Variants in DISC1 observed in about 807,000 individuals in gnomAD.
DISC1 encodes the protein disrupted in schizophrenia 1 protein.
DISC1 carries 57 observed loss-of-function variants against 84.5 expected under a neutral mutation model. The observed-to-expected ratio is 0.67, with a 90% CI of 0.55 to 0.84. The LOEUF (loss-of-function observed/expected upper bound fraction) is 0.84. Among genes scored for constraint, DISC1 ranks in the 40% least tolerant of loss-of-function variants. DISC1 has a pLI of 0.00. For synonymous variants in DISC1, 411 were observed against 415.2 expected (o/e 0.99, Z 0.12); for missense variants, 1,000 against 1,057.8 (o/e 0.95, Z 0.76).
At chr1:231,718,222 A>G (rs1447170451) in intron 3 of DISC1, among the ~76,000 whole-genome samples, 1 of 151,976 alleles carries the variant, frequency 6.6e-6, no homozygotes, top group Non-Finnish European at 1.5e-5. Flanking sequence ...TCATCCTTCA[A>G]TCCCTTTCCA....
At chr1:231,987,024 T>C (rs1475990800) in intron 10 of DISC1, among the ~76,000 whole-genome samples, 3 of 152,202 alleles carry the variant, frequency 2.0e-5, no homozygotes, top group Admixed American at 2.0e-4. Context: ...CGTCCTTATT[T>C]TCTGGGACAG....
chr1:231,645,258 A>G (rs2060027413), intron 1 of DISC1, among the ~76,000 whole-genome samples: 1 of 152,144 alleles, frequency 6.6e-6, no homozygotes, highest in Non-Finnish European at 1.5e-5. Flanking sequence ...CAGGGAGCTC[A>G]GTGGTAGACA....
chr1:231,915,550 G>A (rs955612978), intron 9 of DISC1, among the ~76,000 whole-genome samples: 1 of 152,202 alleles, frequency 6.6e-6, no homozygotes, highest in African/African-American at 2.4e-5. Context: ...TTGGGAGGCT[G>A]AGGTGGGCGG....
chr1:231,871,569 T>TA (rs1658068937), intron 9 of DISC1, among the ~76,000 whole-genome samples: 2 of 152,300 alleles, frequency 1.3e-5, no homozygotes, highest in South Asian at 4.1e-4. Context: ...GAAGTTCAAA[T>TA]ATAGACAACC....
At chr1:231,707,599 C>A (rs981762538) in intron 3 of DISC1, among the ~76,000 whole-genome samples, 17 of 152,182 alleles carry the variant, frequency 1.1e-4, no homozygotes, top group African/African-American at 4.1e-4. Context: ...TCAAAGTCAC[C>A]ATTGGCTATG....
intron 9 of DISC1, among the ~76,000 whole-genome samples, chr1:231,851,545 C>T (rs899729940): frequency 6.6e-6 from 1 of 152,194 alleles, no homozygotes; most frequent in Non-Finnish European, 1.5e-5. Context: ...TCATTTCACA[C>T]CTCACGTGGA....
intron 3 of DISC1, among the ~76,000 whole-genome samples, chr1:231,711,023 CTT>C: frequency 6.8e-6 from 1 of 146,968 alleles, no homozygotes; most frequent in African/African-American, 2.5e-5. Flanking sequence ...TTGATTGAAA[CTT>C]TTTTTTTTTT....
chr1:231,850,844 C>G (rs570440508), intron 9 of DISC1, among the ~76,000 whole-genome samples: 8 of 152,304 alleles, frequency 5.3e-5, no homozygotes, highest in Non-Finnish European at 7.3e-5. Context: ...GTCCGACGCT[C>G]TGGCTCTCTG....
At chr1:232,005,304 T>G (rs1378551571) in intron 10 of DISC1, among the ~76,000 whole-genome samples, 1 of 152,102 alleles carries the variant, frequency 6.6e-6, no homozygotes, top group Non-Finnish European at 1.5e-5. Flanking sequence ...TTTACTTTTA[T>G]TTTTGAAGAA....
intron 1 of DISC1, among the ~76,000 whole-genome samples, chr1:231,693,463 C>A (rs186474231): frequency 6.6e-6 from 1 of 152,282 alleles, no homozygotes; most frequent in East Asian, 1.9e-4. Flanking sequence ...GCTTTCCAGG[C>A]CCACTCCAGG....
intron 9 of DISC1, among the ~76,000 whole-genome samples, chr1:231,924,294 C>A (rs568765329): frequency 1.3e-5 from 2 of 152,130 alleles, no homozygotes; most frequent in Non-Finnish European, 2.9e-5. Flanking sequence ...CCTTTGTGGC[C>A]GAGCACGAAC....
intron 10 of DISC1, among the ~76,000 whole-genome samples, chr1:231,995,376 C>T (rs1018938715): frequency 3.3e-5 from 5 of 151,580 alleles, no homozygotes; most frequent in African/African-American, 1.2e-4. Flanking sequence ...TTTTAGGATA[C>T]ATGTGCACAA....
intron 10 of DISC1, among the ~76,000 whole-genome samples, chr1:231,994,954 G>A (rs191202740): frequency 6.6e-6 from 1 of 152,224 alleles, no homozygotes; most frequent in Admixed American, 6.5e-5. Flanking sequence ...GAAAGAGAGG[G>A]TAGTTTCAAC....
At chr1:231,689,809 T>A (rs200460750) in intron 1 of DISC1, among the ~76,000 whole-genome samples, 15 of 152,226 alleles carry the variant, frequency 9.9e-5, no homozygotes, top group Non-Finnish European at 1.6e-4. Flanking sequence ...AAACAATTCA[T>A]ATCCACCACA....
intron 1 of DISC1, among the ~76,000 whole-genome samples, chr1:231,655,567 A>G (rs1455995252): frequency 6.6e-6 from 1 of 152,182 alleles, no homozygotes; most frequent in Non-Finnish European, 1.5e-5. Context: ...ATATGCATGC[A>G]GGTGTCTTTT....
At chr1:231,886,694 G>A (rs1393323024) in intron 9 of DISC1, among the ~76,000 whole-genome samples, 1 of 152,074 alleles carries the variant, frequency 6.6e-6, no homozygotes, top group African/African-American at 2.4e-5. Flanking sequence ...GGAAGACATT[G>A]GGTATGATTT....
chr1:231,958,677 C>G (rs1659947863), intron 9 of DISC1, 151 bp from the exon 10 acceptor site: 1 of 809,214 alleles, frequency 1.2e-6, no homozygotes, highest in Admixed American at 2.5e-5. Context: ...CAGGCAGCCA[C>G]TCCAGTGGAT....
rs754872907 is a variant in DISC1 at position 231,693,966 on chromosome 1, G to A, written c.208G>A (p.Gly70Arg). The A allele has an allele frequency of 6.2e-7, 1 of 1,614,082 alleles. No individual in the cohort carries two copies. The highest frequency in any genetic ancestry group is 1.7e-5 in the Admixed American group (1 of 60,008). Residue 70 changes from glycine (G) to arginine (R), a missense_variant, in exon 2 of 13, where the codon GGG becomes AGG. Gly to Arg is a moderately radical substitution (Grantham distance 125). This residue lies in a region of DISC1 where 292 missense variants were observed against 280.2 expected (regional missense o/e 1.04). Coordinates refer to ENST00000439617, the MANE Select transcript of DISC1 (RefSeq NM_018662.3). The stretch of plus-strand genomic sequence containing the variant: ...GGGCACACTGTTCCGGTTCCCAGGA[G>A]GGGTGTCTGGCGAGGAGTCCCACCA... ...AVGTLFRFPG[G>R]VSGEESHHSE...
At chr1:231,859,046 C>T (rs201538764) in intron 9 of DISC1, among the ~76,000 whole-genome samples, 1 of 152,236 alleles carries the variant, frequency 6.6e-6, no homozygotes, top group Non-Finnish European at 1.5e-5. Context: ...ACGGTCTCAT[C>T]TGTGGGAGCT....
Sources: gnomAD v4.1 joint callset for allele counts (sites outside exome capture counted in the v4.1 genomes callset) on GRCh38, gnomAD v4.1.1 for gene constraint, gnomAD v4.1.1 regional missense constraint, MANE v1.5 for transcripts, NCBI Gene and HGNC (gene_info 2026-07-23, HGNC 2026-07-21) for gene names.